SEC14L1: variants seen among roughly 807,000 people sequenced by gnomAD.
SEC14L1 encodes the protein SEC14 like lipid binding 1, also known as SEC14-like protein 1.
In SEC14L1, 48 loss-of-function variants were observed where a neutral mutation model predicts 85.3. The ratio of observed to expected loss-of-function variants is 0.56; its 90% confidence interval spans 0.45 to 0.72. The LOEUF is 0.72. SEC14L1 is among the 30% of genes least tolerant of loss of function. The pLI, the probability that SEC14L1 is intolerant of heterozygous loss-of-function variation, is 0.00. For synonymous variants in SEC14L1, 391 were observed against 355.5 expected (o/e 1.10, Z -1.12); for missense variants, 682 against 921.4 (o/e 0.74, Z 3.36).
chr17:77,153,609 AT>A (rs1423818964), intron 3 of SEC14L1, among the ~76,000 whole-genome samples: 4 of 152,146 alleles, frequency 2.6e-5, no homozygotes, highest in Admixed American at 1.3e-4. Flanking sequence ...AGAGGGATTA[AT>A]TTATTGGCAG....
intron 3 of SEC14L1, among the ~76,000 whole-genome samples, chr17:77,180,462 C>T (rs1391202082): frequency 3.4e-5 from 5 of 149,250 alleles, no homozygotes; most frequent in Non-Finnish European, 7.4e-5. Flanking sequence ...TCTTTCACCC[C>T]GTTGGGAGTG....
rs768612457 is a variant in SEC14L1, at chr17:77,190,829, T to C, written c.90T>C (p.Cys30=). Residue 30 remains cysteine (C), a synonymous_variant, in exon 4 of 17, where the codon TGT becomes TGC. Coordinates refer to ENST00000436233, the MANE Select transcript of SEC14L1 (RefSeq NM_001143998.2). Reference sequence around the variant, plus strand: ...CCTATGAAAGGAGGTTCCCTACATGTCCTTTGATTCCGATGTTCGTGGGCA... The same window carrying C: ...CCTATGAAAGGAGGTTCCCTACATGCCCTTTGATTCCGATGTTCGTGGGCA... The part of the protein sequence containing the change: ...MAAYERRFPT[C]PLIPMFVGSD... 1 of 1,614,222 alleles carries C rather than the reference T, an allele frequency of 6.2e-7. No homozygotes were observed. The highest frequency in any genetic ancestry group is 1.7e-5 in the Admixed American group (1 of 60,032).
intron 3 of SEC14L1, among the ~76,000 whole-genome samples, chr17:77,105,099 A>G (rs1971879003): frequency 6.6e-6 from 1 of 152,118 alleles, no homozygotes; most frequent in Admixed American, 6.6e-5. Flanking sequence ...GCCTTTCCAA[A>G]GAAGGCGATC....
intron 5 of SEC14L1, among the ~76,000 whole-genome samples, chr17:77,192,915 G>A (rs1432672069): frequency 6.6e-6 from 1 of 152,180 alleles, no homozygotes; most frequent in Non-Finnish European, 1.5e-5. Flanking sequence ...TCCCACCTTG[G>A]CCTCCCAAAG....
chr17:77,153,351 A>G (rs957888022), intron 3 of SEC14L1, among the ~76,000 whole-genome samples: 5 of 152,148 alleles, frequency 3.3e-5, no homozygotes, highest in African/African-American at 1.2e-4. Context: ...ACAGGCGTGA[A>G]CCACTGAGCC....
chr17:77,192,119 T>G (rs1975573183), intron 5 of SEC14L1, among the ~76,000 whole-genome samples: 1 of 152,200 alleles, frequency 6.6e-6, no homozygotes, highest in Admixed American at 6.5e-5. Flanking sequence ...CATATGCCAC[T>G]TCTTTTCTGG....
chr17:77,129,818 A>G (rs1003854661), intron 3 of SEC14L1, among the ~76,000 whole-genome samples: 1 of 151,990 alleles, frequency 6.6e-6, no homozygotes, highest in African/African-American at 2.4e-5. Flanking sequence ...TGTTAGCGCG[A>G]CATTCCTTCC....
rs950568861 is a variant in SEC14L1, at chr17:77,206,212, C to A, written c.1170-17C>A. 1 of 1,610,758 alleles carries A rather than the reference C, an allele frequency of 6.2e-7. No homozygotes were observed. The highest frequency in any genetic ancestry group is 1.3e-5 in the African/African-American group (1 of 74,838). On this transcript the variant is annotated splice_polypyrimidine_tract_variant and intron_variant, in intron 11 of 16. Transcript: ENST00000436233. The surrounding 1 kb of genome is among the most constrained non-coding windows in gnomAD (Gnocchi z 4.3). Reference sequence around the variant, plus strand: ...GTGCTGTCTGTTGAATGAAACACATCTCTGCACAACCTGCAGCTCATGGAC... The same window carrying A: ...GTGCTGTCTGTTGAATGAAACACATATCTGCACAACCTGCAGCTCATGGAC...
chr17:77,126,715 T>G (rs2143426266), intron 3 of SEC14L1, among the ~76,000 whole-genome samples: 1 of 152,340 alleles, frequency 6.6e-6, no homozygotes, highest in Non-Finnish European at 1.5e-5. Context: ...CTTTGTTCTC[T>G]GGCTTTCTCA....
intron 3 of SEC14L1, among the ~76,000 whole-genome samples, chr17:77,188,169 C>T (rs1001316117): frequency 3.9e-5 from 6 of 152,148 alleles, no homozygotes; most frequent in Admixed American, 6.5e-5. Context: ...TCATCTTCCC[C>T]CAGTGATAAC....
At chr17:77,162,839 AAAAT>A (rs1048802264) in intron 3 of SEC14L1, among the ~76,000 whole-genome samples, 5 of 151,954 alleles carry the variant, frequency 3.3e-5, no homozygotes, top group Non-Finnish European at 7.4e-5. Context: ...TCAAAAAAAA[AAAAT>A]GTGTTGTGGA....
intron 3 of SEC14L1, among the ~76,000 whole-genome samples, chr17:77,147,023 TAG>T (rs2143542834): frequency 6.6e-6 from 1 of 152,300 alleles, no homozygotes; most frequent in East Asian, 1.9e-4. Context: ...AACGGAACCG[TAG>T]CTTCCGCCGG....
intron 5 of SEC14L1, among the ~76,000 whole-genome samples, chr17:77,191,777 ACG>A: frequency 6.7e-6 from 1 of 149,810 alleles, no homozygotes; most frequent in Non-Finnish European, 1.5e-5. Flanking sequence ...TCCTGACCTC[ACG>A]TGATCCACCC....
intron 3 of SEC14L1, among the ~76,000 whole-genome samples, chr17:77,169,322 C>T (rs1223634049): frequency 6.6e-6 from 1 of 152,122 alleles, no homozygotes; most frequent in Non-Finnish European, 1.5e-5. Context: ...AGATGGCCCT[C>T]GGGGGCTGAC....
chr17:77,187,288 T>G (rs1258690285), intron 3 of SEC14L1, among the ~76,000 whole-genome samples: 3 of 152,128 alleles, frequency 2.0e-5, no homozygotes, highest in African/African-American at 7.2e-5. Flanking sequence ...TACCTTCCTT[T>G]ATAATGGGGC....
intron 3 of SEC14L1, among the ~76,000 whole-genome samples, chr17:77,095,706 G>T (rs1487552237): frequency 6.6e-6 from 1 of 151,838 alleles, no homozygotes; most frequent in Non-Finnish European, 1.5e-5. Flanking sequence ...AATCCCAGCT[G>T]CTCGGGAGGC....
intron 3 of SEC14L1, among the ~76,000 whole-genome samples, chr17:77,135,926 G>A (rs1327703499): frequency 1.3e-5 from 2 of 151,704 alleles, no homozygotes; most frequent in South Asian, 2.1e-4. Context: ...AGGCTGGAGT[G>A]CAGTGGCACT....
Position 77,104,997 on chromosome 17 carries a change from A to G in SEC14L1, c.-136+11650A>G, listed in dbSNP as rs1020519715. ...TTGGTTCGGTCTCTGGAAAGCCAGG[A>G]TAACTTGAAGCAAAGGAAGGAAGAC... On this transcript the variant is annotated intron_variant, in intron 3 of 19. Transcript: ENST00000392476. 3.0e-4 allele frequency among the ~76,000 whole-genome samples: 46 copies of G among 152,168 alleles called. 2 individuals are homozygous for G. Among genetic ancestry groups the G allele is most frequent in the African/African-American group, 1.1e-3 (46 of 41,500 alleles).
intron 3 of SEC14L1, among the ~76,000 whole-genome samples, chr17:77,133,700 A>C (rs1028687154): frequency 1.3e-5 from 2 of 152,074 alleles, no homozygotes; most frequent in Admixed American, 6.6e-5. Context: ...GCACTTTGGG[A>C]GGCCGAGGCG....
Sources: gnomAD v4.1 joint callset for allele counts (sites outside exome capture counted in the v4.1 genomes callset) on GRCh38, gnomAD v4.1.1 for gene constraint, Gnocchi (gnomAD v3.1) non-coding constraint, MANE v1.5 for transcripts, NCBI Gene and HGNC (gene_info 2026-07-23, HGNC 2026-07-21) for gene names.